BRSK2: variants seen among roughly 807,000 people sequenced by gnomAD.
BRSK2 encodes serine/threonine-protein kinase BRSK2.
In BRSK2, 19 loss-of-function variants were observed where a neutral mutation model predicts 83.3. The ratio of observed to expected loss-of-function variants is 0.23; its 90% CI spans 0.16 to 0.33. BRSK2 has a LOEUF of 0.33. Among genes scored for constraint, BRSK2 ranks in the 10% least tolerant of loss-of-function variants. The pLI is 1.00. For synonymous variants in BRSK2, 519 were observed against 435.4 expected (o/e 1.19, Z -2.39); for missense variants, 798 against 1,042.3 (o/e 0.77, Z 3.23).
At chr11:1,458,223 C>A (rs548343582) in intron 18 of BRSK2, among the ~76,000 whole-genome samples, 7 of 152,184 alleles carry the variant, frequency 4.6e-5, no homozygotes, top group Admixed American at 4.6e-4. Flanking sequence ...CCTGCGTGGG[C>A]TGTAGGCAAA....
chr11:1,447,924 G>A (rs1852376187), intron 12 of BRSK2: 25 of 1,482,078 alleles, frequency 1.7e-5, no homozygotes, highest in Non-Finnish European at 2.3e-5. Context: ...TCCTGCCTCA[G>A]GCCGGGCAGG....
chr11:1,400,302 C>CG (rs1376080633), intron 1 of BRSK2, among the ~76,000 whole-genome samples: 1 of 152,148 alleles, frequency 6.6e-6, no homozygotes, highest in Non-Finnish European at 1.5e-5. Flanking sequence ...CCCGGAGGCC[C>CG]GGGCATGGGG....
At chr11:1,428,938 T>G (rs900139669) in intron 1 of BRSK2, among the ~76,000 whole-genome samples, 23 of 149,360 alleles carry the variant, frequency 1.5e-4, no homozygotes, top group Non-Finnish European at 2.1e-4. Flanking sequence ...GTGTACTGGG[T>G]GCGTGTGTGT....
At chr11:1,416,009 A>G (rs61868965) in intron 1 of BRSK2, among the ~76,000 whole-genome samples, 23,869 of 152,316 alleles carry the variant, frequency 0.16, 2,459 homozygotes, top group Non-Finnish European at 0.21. Context: ...AACTGGAACC[A>G]GGCAAGCTGA....
chr11:1,402,552 C>T (rs1846551604), intron 1 of BRSK2, among the ~76,000 whole-genome samples: 1 of 152,204 alleles, frequency 6.6e-6, no homozygotes, highest in Admixed American at 6.5e-5. Flanking sequence ...GGACTTGCCC[C>T]TCAGGCCAGC....
intron 1 of BRSK2, among the ~76,000 whole-genome samples, chr11:1,408,132 TGGCGTG>T (rs1437385920): frequency 6.6e-6 from 1 of 152,372 alleles, no homozygotes; most frequent in African/African-American, 2.4e-5. Context: ...GTGAGGCTTA[TGGCGTG>T]GGGAGCACAG....
At chr11:1,456,970 C>T (rs767249970) in intron 18 of BRSK2, 10 of 1,597,304 alleles carry the variant, frequency 6.3e-6, no homozygotes, top group Middle Eastern at 1.6e-4. Flanking sequence ...CCCCCACCAG[C>T]GCCAGGACTA....
intron 1 of BRSK2, among the ~76,000 whole-genome samples, chr11:1,404,363 C>CG (rs920644476): frequency 2.0e-5 from 3 of 152,278 alleles, no homozygotes; most frequent in African/African-American, 7.2e-5. Flanking sequence ...GGAGTGGCCA[C>CG]GGGAGGAGGC....
At chr11:1,449,885 C>T (rs771819577) in intron 13 of BRSK2, 49 bp downstream of exon 13, 8 of 1,446,304 alleles carry the variant, frequency 5.5e-6, no homozygotes, top group Non-Finnish European at 7.7e-6. Flanking sequence ...GAGGCCCCAA[C>T]CCTCCCAGTC....
chr11:1,448,308 C>G (rs1373430754), intron 12 of BRSK2, among the ~76,000 whole-genome samples: 2 of 152,182 alleles, frequency 1.3e-5, no homozygotes, highest in African/African-American at 4.8e-5. Context: ...GCCAGTTTTG[C>G]GAGCCTGGGC....
chr11:1,415,908 G>A (rs1326549982), intron 1 of BRSK2, among the ~76,000 whole-genome samples: 2 of 152,268 alleles, frequency 1.3e-5, no homozygotes, highest in Non-Finnish European at 2.9e-5. Context: ...TCCCAGCTTT[G>A]GGCAGGTGAG....
chr11:1,402,993 C>T (rs919789358), intron 1 of BRSK2, among the ~76,000 whole-genome samples: 2 of 152,132 alleles, frequency 1.3e-5, no homozygotes, highest in Non-Finnish European at 1.5e-5. Flanking sequence ...AAGCCAGAGC[C>T]GCCGAGGGCG....
chr11:1,452,686 G>A (rs1376498310), intron 15 of BRSK2, among the ~76,000 whole-genome samples: 3 of 151,670 alleles, frequency 2.0e-5, no homozygotes, highest in South Asian at 2.1e-4. Context: ...CCAAGGGCCC[G>A]GCACAGATGC....
At chr11:1,424,304 C>G (rs546601499) in intron 1 of BRSK2, among the ~76,000 whole-genome samples, 1 of 152,024 alleles carries the variant, frequency 6.6e-6, no homozygotes, top group Non-Finnish European at 1.5e-5. Context: ...GCCCTCACCC[C>G]CTACTGCCTC....
intron 14 of BRSK2, 139 bp from the exon 15 acceptor site, chr11:1,451,232 G>T: frequency 1.1e-6 from 1 of 936,222 alleles, no homozygotes; most frequent in Non-Finnish European, 1.6e-6. Flanking sequence ...GAGCTGGGGT[G>T]GACCAGTGCC....
intron 2 of BRSK2, 75 bp downstream of exon 2, chr11:1,436,209 G>A: frequency 1.3e-6 from 1 of 754,156 alleles, no homozygotes; most frequent in Non-Finnish European, 1.9e-6. Context: ...GGGAGCCAAG[G>A]TTGTGGGGAC....
At position 1,445,845 on chromosome 11, in the gene BRSK2, G is replaced by C. The variant is rs1163966637; in HGVS notation, c.1164G>C (p.Val388=). The C allele has an allele frequency of 1.9e-6, 3 of 1,612,362 alleles. No homozygotes were observed. Among genetic ancestry groups the C allele is most frequent in the East Asian group, 4.5e-5 (2 of 44,870 alleles). ...GCAAATCCATGGAGGTGCTCAGCGTGACGGACGGCGGCTCCCCGGTGCCTG... is the reference window on the plus strand; with the variant it reads ...GCAAATCCATGGAGGTGCTCAGCGTCACGGACGGCGGCTCCCCGGTGCCTG... ...PERKSMEVLS[V]TDGGSPVPAR... Residue 388 remains valine, a synonymous_variant, in exon 12 of 20, where the codon GTG becomes GTC. Coordinates refer to ENST00000528841, the MANE Select transcript of BRSK2 (RefSeq NM_001256627.2).
In BRSK2 at chr11:1,428,839, G is replaced by C. The variant is rs555563639; in HGVS notation, c.92-7201G>C. ...TGCAGTCGTGTGTACATGCATGGGTGTGTGTACAGGCGTGCGTACTGTGTG... is the reference window on the plus strand; with the variant it reads ...TGCAGTCGTGTGTACATGCATGGGTCTGTGTACAGGCGTGCGTACTGTGTG... On this transcript the variant is annotated intron_variant, in intron 1 of 19. Transcript: ENST00000528841. Among the ~76,000 whole-genome samples the C allele has an allele frequency of 2.5e-3, 385 of 152,124 alleles. 2 individuals are homozygous for C. The highest frequency in any genetic ancestry group is 8.9e-3 in the African/African-American group (371 of 41,454).
chr11:1,447,751 GCGTGTGGC>G (rs1564862699), intron 12 of BRSK2: 25 of 1,563,808 alleles, frequency 1.6e-5, no homozygotes, highest in Non-Finnish European at 2.2e-5. Context: ...ACCTGTGCCC[GCGTGTGGC>G]CGTCAGTAAC....
Sources: gnomAD v4.1 joint callset for allele counts (sites outside exome capture counted in the v4.1 genomes callset) on GRCh38, gnomAD v4.1.1 for gene constraint, MANE v1.5 for transcripts, NCBI Gene and HGNC (gene_info 2026-07-23, HGNC 2026-07-21) for gene names.